The following NAALADL2 variants were observed in gnomAD, a reference collection of about 807,000 sequenced individuals.
NAALADL2 encodes N-acetylated alpha-linked acidic dipeptidase like 2, also known as inactive N-acetylated-alpha-linked acidic dipeptidase-like protein 2.
A neutral mutation model predicts 87.2 loss-of-function variants in NAALADL2; 76 were observed. The observed-to-expected ratio is 0.87, with a 90% CI of 0.72 to 1.05. NAALADL2 has a LOEUF of 1.05. Ranked by LOEUF, NAALADL2 falls within the 50% of genes least tolerant of loss-of-function variation. NAALADL2 has a pLI of 0.00. For synonymous variants in NAALADL2, 354 were observed against 331.0 expected (o/e 1.07, Z -0.75); for missense variants, 1,089 against 945.8 (o/e 1.15, Z -1.99).
chr3:175,550,030 C>T lies in NAALADL2; in HGVS notation c.1654-26011C>T, dbSNP rs1309621897. On this transcript the variant is annotated intron_variant, in intron 9 of 13. Coordinates refer to ENST00000454872, the MANE Select transcript of NAALADL2 (RefSeq NM_207015.3). ...AAGAGTGAACCCTGTGGTTATGTGACAAGACAAAGAAAAAAGGGGTTTAAG... is the reference window on the plus strand; with the variant it reads ...AAGAGTGAACCCTGTGGTTATGTGATAAGACAAAGAAAAAAGGGGTTTAAG... Among the ~76,000 whole-genome samples, 6 of 151,892 alleles carry T rather than the reference C, an allele frequency of 4.0e-5. 1 individual carries two copies. Among genetic ancestry groups the T allele is most frequent in the Admixed American group, 6.6e-5 (1 of 15,242 alleles).
chr3:174,648,889 A>C (rs949176021), intron 2 of NAALADL2, among the ~76,000 whole-genome samples: 1 of 151,988 alleles, frequency 6.6e-6, no homozygotes. Context: ...GTTGAGAGAG[A>C]GAGGTTGGTT....
intron 9 of NAALADL2, among the ~76,000 whole-genome samples, chr3:175,508,644 A>C (rs1014835012): frequency 6.6e-6 from 1 of 152,110 alleles, no homozygotes; most frequent in Non-Finnish European, 1.5e-5. Context: ...CAAGTCCCAT[A>C]CATTTTACTT....
chr3:175,398,918 G>A (rs1163436882), intron 5 of NAALADL2, among the ~76,000 whole-genome samples: 1 of 151,858 alleles, frequency 6.6e-6, no homozygotes, highest in African/African-American at 2.4e-5. Flanking sequence ...ACAGTGCAAA[G>A]CAAAAACAAG....
chr3:174,749,519 G>A (rs1226889035), intron 3 of NAALADL2, among the ~76,000 whole-genome samples: 1 of 149,944 alleles, frequency 6.7e-6, no homozygotes, highest in Non-Finnish European at 1.5e-5. Context: ...AAAAAAAACA[G>A]CAAAAAAGTG....
At chr3:174,545,493 G>A (rs575004931) in intron 1 of NAALADL2, among the ~76,000 whole-genome samples, 2 of 152,106 alleles carry the variant, frequency 1.3e-5, no homozygotes, top group Non-Finnish European at 2.9e-5. Context: ...TTTAACATAG[G>A]CAGCTGCTTC....
intron 4 of NAALADL2, among the ~76,000 whole-genome samples, chr3:175,295,764 C>A (rs918956153): frequency 2.6e-5 from 4 of 151,452 alleles, no homozygotes; most frequent in Admixed American, 2.0e-4. Context: ...CTCTCTCTCT[C>A]AGCACTCTCA....
intron 11 of NAALADL2, among the ~76,000 whole-genome samples, chr3:175,727,178 A>T (rs1014576591): frequency 6.6e-6 from 1 of 152,084 alleles, no homozygotes; most frequent in Admixed American, 6.6e-5. Context: ...CAGGGAAGGC[A>T]TGCTCCAGGC....
At chr3:174,793,815 T>C (rs1044868367) in intron 3 of NAALADL2, among the ~76,000 whole-genome samples, 1 of 152,032 alleles carries the variant, frequency 6.6e-6, no homozygotes, top group East Asian at 1.9e-4. Flanking sequence ...TTCTTTTTTT[T>C]TTTTCTTTTC....
At chr3:175,590,746 C>A (rs989347937) in intron 10 of NAALADL2, among the ~76,000 whole-genome samples, 1 of 152,014 alleles carries the variant, frequency 6.6e-6, no homozygotes, top group Non-Finnish European at 1.5e-5. Context: ...TATATAGAAC[C>A]CCTTCAACAA....
Position 175,143,733 on chromosome 3 carries a change from C to T in NAALADL2, c.545+46442C>T, listed in dbSNP as rs531628713. On this transcript the variant is annotated intron_variant, in intron 2 of 13. Transcript: ENST00000454872. ...ATTGTCTGGCACATGGAAGGCACTC[C>T]GCAAAGATTTGGGGAATAAATGTAT... Among the ~76,000 whole-genome samples the T allele has an allele frequency of 1.2e-3, 187 of 151,892 alleles. 2 individuals carry two copies. Among genetic ancestry groups the T allele is most frequent in the East Asian group, 5.8e-4 (3 of 5,172 alleles).
intron 3 of NAALADL2, among the ~76,000 whole-genome samples, chr3:174,768,020 A>G (rs507227): frequency 0.53 from 80,135 of 151,976 alleles, 21,520 homozygotes; most frequent in Middle Eastern, 0.64. Flanking sequence ...CAATTCGAAT[A>G]TGTGACATTT....
chr3:175,644,730 C>T (rs1729762323), intron 11 of NAALADL2, among the ~76,000 whole-genome samples: 1 of 152,062 alleles, frequency 6.6e-6, no homozygotes, highest in South Asian at 2.1e-4. Context: ...CTTCACATTT[C>T]CATATAAATG....
intron 1 of NAALADL2, among the ~76,000 whole-genome samples, chr3:174,944,648 C>A (rs1739137175): frequency 6.6e-6 from 1 of 152,136 alleles, no homozygotes. Context: ...CTAGGAAGCT[C>A]AGGTATCTAA....
At chr3:174,923,029 T>A (rs1432181055) in intron 1 of NAALADL2, among the ~76,000 whole-genome samples, 1 of 152,142 alleles carries the variant, frequency 6.6e-6, no homozygotes, top group African/African-American at 2.4e-5. Flanking sequence ...AGTTGGAGTT[T>A]CTAAATGTCA....
chr3:175,020,369 A>G (rs1751418410), intron 1 of NAALADL2, among the ~76,000 whole-genome samples: 1 of 152,088 alleles, frequency 6.6e-6, no homozygotes, highest in Non-Finnish European at 1.5e-5. Flanking sequence ...TTTCAAACTG[A>G]TGTTTCTTCA....
intron 11 of NAALADL2, among the ~76,000 whole-genome samples, chr3:175,736,463 G>A (rs1057076521): frequency 1.3e-5 from 2 of 152,182 alleles, no homozygotes; most frequent in South Asian, 2.1e-4. Flanking sequence ...AGATCTACCC[G>A]TGAAGACACA....
chr3:175,467,016 A>G lies in NAALADL2; in HGVS notation c.1365A>G (p.Ala455=), dbSNP rs752661598. 6.2e-6 allele frequency: 10 copies of G among 1,613,812 alleles called. No individual in the cohort carries two copies. The East Asian group carries it at 2.0e-4, about 32-fold the overall frequency. The part of the protein sequence containing the change: ...YIIVGSHHHT[A]HSYNGQEWAS... ...TAGTTGGCAGCCATCATCACACTGC[A>G]CACAGTTATAATGGACAAGAATGGG... Residue 455 remains alanine (A), a synonymous_variant, in exon 8 of 14, where the codon GCA becomes GCG. Coordinates refer to ENST00000454872, the MANE Select transcript of NAALADL2 (RefSeq NM_207015.3).
chr3:175,423,698 C>T (rs1716273779), intron 5 of NAALADL2, among the ~76,000 whole-genome samples: 1 of 152,112 alleles, frequency 6.6e-6, no homozygotes, highest in Non-Finnish European at 1.5e-5. Flanking sequence ...CAAGTCTTTG[C>T]TATTGTGAAT....
At chr3:175,534,673 A>G (rs565482670) in intron 9 of NAALADL2, among the ~76,000 whole-genome samples, 1 of 151,190 alleles carries the variant, frequency 6.6e-6, no homozygotes, top group Non-Finnish European at 1.5e-5. Flanking sequence ...TTTCTTTCCA[A>G]TTAACAGAAA....
Sources: allele counts gnomAD v4.1 joint callset (sites outside exome capture counted in the v4.1 genomes callset), GRCh38; gene constraint gnomAD v4.1.1; transcripts MANE v1.5; gene names NCBI Gene and HGNC (gene_info 2026-07-23, HGNC 2026-07-21).